The following CSMD1 variants were observed in gnomAD, a reference collection of about 807,000 sequenced individuals.
CSMD1 encodes CUB and Sushi multiple domains 1.
Under a neutral mutation model 417.5 loss-of-function variants are expected in CSMD1, and 213 were observed. The ratio of observed to expected loss-of-function variants is 0.51; its 90% CI spans 0.46 to 0.57. The LOEUF (loss-of-function observed/expected upper bound fraction) is 0.57, where lower values mean the gene tolerates loss of function less well. Ranked by LOEUF, CSMD1 falls within the 20% of genes least tolerant of loss-of-function variation. The pLI, the probability that CSMD1 is intolerant of heterozygous loss-of-function variation, is 0.00. For missense variants in CSMD1, 6,923 were observed against 4,529.7 expected (o/e 1.53, Z -15.17); for synonymous variants, 2,862 against 1,736.8 (o/e 1.65, Z -16.11).
At chr8:4,625,279 G>A (rs1802031347) in intron 2 of CSMD1, among the ~76,000 whole-genome samples, 1 of 151,936 alleles carries the variant, frequency 6.6e-6, no homozygotes, top group Non-Finnish European at 1.5e-5. Flanking sequence ...TTCCTTTACT[G>A]GACATAGCTG....
chr8:3,406,009 G>A lies in CSMD1; in HGVS notation c.2266+18C>T, dbSNP rs377089844. 4.5e-5 allele frequency: 72 copies of A among 1,609,634 alleles called. No individual in the cohort carries two copies. In the Middle Eastern group the frequency reaches 6.8e-4, roughly 15 times the overall value. On this transcript the variant is annotated intron_variant, in intron 15 of 69. Transcript: ENST00000635120. ...TGTGATTTCAAAGGAGAAGAGCGGG[G>A]GGTGGCAGGGACTGCACCTTCACAG...
At chr8:3,790,909 T>G (rs1192289698) in intron 5 of CSMD1, among the ~76,000 whole-genome samples, 1 of 152,160 alleles carries the variant, frequency 6.6e-6, no homozygotes, top group African/African-American at 2.4e-5. Context: ...GTGTCAAAAC[T>G]GTCAGGTCCT....
At chr8:4,280,304 C>T (rs1413389288) in intron 3 of CSMD1, among the ~76,000 whole-genome samples, 29 of 152,024 alleles carry the variant, frequency 1.9e-4, no homozygotes, top group Non-Finnish European at 4.4e-5. Context: ...ATATAATAAG[C>T]TTTGAAAGAG....
chr8:4,155,473 T>A (rs906589320), intron 3 of CSMD1, among the ~76,000 whole-genome samples: 1 of 152,224 alleles, frequency 6.6e-6, no homozygotes, highest in African/African-American at 2.4e-5. Flanking sequence ...AGTATGTGTT[T>A]CCTTCTAGTT....
intron 5 of CSMD1, among the ~76,000 whole-genome samples, chr8:3,836,680 T>C (rs1802728881): frequency 6.6e-6 from 1 of 152,082 alleles, no homozygotes; most frequent in Non-Finnish European, 1.5e-5. Flanking sequence ...GTAATAACCT[T>C]TGTTCAATAT....
At chr8:4,230,810 C>G (rs1481077999) in intron 3 of CSMD1, among the ~76,000 whole-genome samples, 4 of 152,102 alleles carry the variant, frequency 2.6e-5, no homozygotes, top group Non-Finnish European at 5.9e-5. Context: ...ACTTCAGCAG[C>G]TTTTGCAGTG....
chr8:4,040,391 T>C (rs140089282), intron 3 of CSMD1, among the ~76,000 whole-genome samples: 1,741 of 152,304 alleles, frequency 0.011, 31 homozygotes, highest in African/African-American at 0.039. Context: ...AAAAACATGC[T>C]GCAGGGAGAT....
chr8:3,179,284 C>G (rs547512491), intron 37 of CSMD1, among the ~76,000 whole-genome samples: 8 of 152,232 alleles, frequency 5.3e-5, no homozygotes, highest in Middle Eastern at 6.8e-3. Context: ...AGAATAGGAA[C>G]AGAGAAATGA....
chr8:4,240,283 T>C (rs897606435), intron 3 of CSMD1, among the ~76,000 whole-genome samples: 1 of 152,226 alleles, frequency 6.6e-6, no homozygotes, highest in African/African-American at 2.4e-5. Flanking sequence ...AAACCTCTGA[T>C]TGCTTTGACC....
chr8:4,139,118 T>G (rs1455550979), intron 3 of CSMD1, among the ~76,000 whole-genome samples: 2 of 152,136 alleles, frequency 1.3e-5, no homozygotes, highest in East Asian at 1.9e-4. Context: ...TGAAGACCCC[T>G]GTGATTCTAA....
intron 6 of CSMD1, among the ~76,000 whole-genome samples, chr8:3,732,364 G>T (rs1489720060): frequency 6.6e-6 from 1 of 151,782 alleles, no homozygotes; most frequent in Non-Finnish European, 1.5e-5. Context: ...GTAAACCAAT[G>T]AAATTTTATT....
intron 7 of CSMD1, among the ~76,000 whole-genome samples, chr8:3,642,470 T>A: frequency 6.6e-6 from 1 of 152,152 alleles, no homozygotes; most frequent in East Asian, 1.9e-4. Context: ...TATTCCCAAG[T>A]AGTGACCCAA....
At chr8:4,507,231 C>T (rs576384107) in intron 2 of CSMD1, among the ~76,000 whole-genome samples, 1 of 152,022 alleles carries the variant, frequency 6.6e-6, no homozygotes, top group Admixed American at 6.6e-5. Context: ...TAGTAGATAC[C>T]CATGCAAAAG....
chr8:3,635,708 C>G (rs1797004882), intron 7 of CSMD1, among the ~76,000 whole-genome samples: 4 of 149,436 alleles, frequency 2.7e-5, no homozygotes, highest in Admixed American at 2.7e-4. Context: ...TGGTCTCAAT[C>G]TCCTGACCTC....
chr8:4,669,480 C>A (rs764918052), intron 1 of CSMD1, among the ~76,000 whole-genome samples: 1 of 152,148 alleles, frequency 6.6e-6, no homozygotes, highest in African/African-American at 2.4e-5. Context: ...TGTGGACAAC[C>A]GTATCTAGTC....
intron 12 of CSMD1, among the ~76,000 whole-genome samples, chr8:3,460,521 G>A (rs1816430591): frequency 1.3e-5 from 2 of 152,022 alleles, no homozygotes; most frequent in South Asian, 2.1e-4. Context: ...AAATAGAAGA[G>A]TTTAGTAGCG....
intron 5 of CSMD1, among the ~76,000 whole-genome samples, chr8:3,930,623 G>A (rs1265533232): frequency 2.7e-5 from 4 of 150,094 alleles, no homozygotes; most frequent in African/African-American, 9.9e-5. Flanking sequence ...GGGTGGCCGT[G>A]TCAGGTTATA....
At chr8:4,201,841 T>C (rs780010654) in intron 3 of CSMD1, among the ~76,000 whole-genome samples, 1 of 148,360 alleles carries the variant, frequency 6.7e-6, no homozygotes, top group African/African-American at 2.5e-5. Context: ...TAGAAGGATC[T>C]TAATTGTGTC....
intron 4 of CSMD1, among the ~76,000 whole-genome samples, chr8:3,998,961 A>G (rs1033905587): frequency 6.8e-6 from 1 of 147,406 alleles, no homozygotes; most frequent in African/African-American, 2.4e-5. Context: ...ACTATATGGT[A>G]GTTTATATAT....
Sources: allele counts gnomAD v4.1 joint callset (sites outside exome capture counted in the v4.1 genomes callset), GRCh38; gene constraint gnomAD v4.1.1; transcripts MANE v1.5; gene names NCBI Gene and HGNC (gene_info 2026-07-23, HGNC 2026-07-21).